TANC2: variants seen among roughly 807,000 people sequenced by gnomAD.
TANC2 encodes the protein tetratricopeptide repeat, ankyrin repeat and coiled-coil containing 2.
Under a neutral mutation model 210.5 loss-of-function variants are expected in TANC2, and 26 were observed. The ratio of observed to expected loss-of-function variants is 0.12; its 90% CI spans 0.09 to 0.17. TANC2 has a LOEUF of 0.17. Among genes scored for constraint, TANC2 ranks in the 10% least tolerant of loss-of-function variants. The pLI, the probability that TANC2 is intolerant of heterozygous loss-of-function variation, is 1.00. For synonymous variants in TANC2, 931 were observed against 967.1 expected, an observed-to-expected ratio of 0.96 and a Z score of 0.69; for missense variants, 2,129 against 2,608.9, an observed-to-expected ratio of 0.82 and a Z score of 4.01.
intron 1 of TANC2, among the ~76,000 whole-genome samples, chr17:62,971,126 G>A (rs117153279): frequency 0.02 from 3,068 of 152,080 alleles, 42 homozygotes; most frequent in South Asian, 0.036. Context: ...TCTTTGAATA[G>A]CGTCTTTTGT....
intron 17 of TANC2, chr17:63,390,403 G>A (rs574034059): frequency 3.9e-5 from 6 of 152,204 alleles, no homozygotes; most frequent in Middle Eastern, 3.1e-3. Flanking sequence ...AGCCTTAGAA[G>A]TTTACTGTAG....
intron 9 of TANC2, among the ~76,000 whole-genome samples, chr17:63,296,446 A>ATATCTGGAT (rs1567891215): frequency 6.6e-6 from 1 of 152,010 alleles, no homozygotes; most frequent in Non-Finnish European, 1.5e-5. Flanking sequence ...AAGGAGGCAG[A>ATATCTGGAT]ATCTGATATC....
At chr17:63,118,776 ATTT>A (rs1162117818) in intron 4 of TANC2, among the ~76,000 whole-genome samples, 2 of 125,686 alleles carry the variant, frequency 1.6e-5, no homozygotes, top group African/African-American at 6.1e-5. Context: ...TATCCAACTA[ATTT>A]TTTTTTTTTT....
chr17:63,241,681 A>G (rs1191537949), intron 8 of TANC2, among the ~76,000 whole-genome samples: 1 of 152,204 alleles, frequency 6.6e-6, no homozygotes, highest in Admixed American at 6.5e-5. Flanking sequence ...GTTGGATTCA[A>G]GTCACCCCTC....
chr17:63,204,693 GC>G (rs1292792921), intron 7 of TANC2, among the ~76,000 whole-genome samples: 1 of 152,068 alleles, frequency 6.6e-6, no homozygotes, highest in African/African-American at 2.4e-5. Context: ...ACTCTAAATA[GC>G]CAAAACAGTC....
rs968307371 is a variant in TANC2 at position 63,195,950 on chromosome 17, A to G, written c.582+1811A>G. On this transcript the variant is annotated intron_variant, in intron 6 of 27. Transcript: ENST00000689528. Reference sequence around the variant, plus strand: ...GGCCTCCTTGTCGTTCGCCAGTCACATCAGCTATATTCATTTTTACTGGAA... The same window carrying G: ...GGCCTCCTTGTCGTTCGCCAGTCACGTCAGCTATATTCATTTTTACTGGAA... 5.3e-5 allele frequency among the ~76,000 whole-genome samples: 8 copies of G among 152,062 alleles called. No individual in the cohort carries two copies. In the East Asian group the frequency reaches 1.2e-3, roughly 22 times the overall value.
intron 12 of TANC2, among the ~76,000 whole-genome samples, chr17:63,343,932 A>G (rs1412426082): frequency 6.6e-6 from 1 of 152,202 alleles, no homozygotes; most frequent in Non-Finnish European, 1.5e-5. Context: ...GTAATTCATC[A>G]TATTAACAAA....
At chr17:63,411,557 C>T in exon 22 of TANC2, 1 of 1,613,858 alleles carries the variant, frequency 6.2e-7, no homozygotes, top group Non-Finnish European at 8.5e-7. Flanking sequence ...CAGCCCTCAG[C>T]TGGGCTTGTT....
At chr17:63,212,974 A>C (rs182312917) in intron 7 of TANC2, among the ~76,000 whole-genome samples, 1 of 152,220 alleles carries the variant, frequency 6.6e-6, no homozygotes, top group Admixed American at 6.5e-5. Flanking sequence ...GCTAACACTT[A>C]TGTTCAAAAT....
At chr17:63,064,445 C>T (rs899537126) in intron 2 of TANC2, among the ~76,000 whole-genome samples, 4 of 152,020 alleles carry the variant, frequency 2.6e-5, no homozygotes, top group South Asian at 2.1e-4. Context: ...GGTGACAGAG[C>T]GAGACCCTAT....
chr17:63,227,865 A>G (rs960531475), intron 7 of TANC2, among the ~76,000 whole-genome samples: 3 of 151,148 alleles, frequency 2.0e-5, no homozygotes, highest in Non-Finnish European at 4.4e-5. Flanking sequence ...TTTATTTTTC[A>G]TTTATTTATT....
chr17:63,350,502 A>G lies in TANC2; in HGVS notation c.1808-748A>G, dbSNP rs557704999. 6.6e-5 allele frequency among the ~76,000 whole-genome samples: 10 copies of G among 152,306 alleles called. 1 individual carries two copies. In the South Asian group the frequency reaches 2.1e-3, roughly 32 times the overall value. ...CAAGCTGCTTCGTCAGCATAGCCCTAAAGTTAAATTGATTTTGTCAATGCC... is the reference window on the plus strand; with the variant it reads ...CAAGCTGCTTCGTCAGCATAGCCCTGAAGTTAAATTGATTTTGTCAATGCC... On this transcript the variant is annotated intron_variant, in intron 12 of 27. Transcript: ENST00000689528.
intron 9 of TANC2, among the ~76,000 whole-genome samples, chr17:63,282,154 G>A (rs544637187): frequency 1.3e-5 from 2 of 151,738 alleles, no homozygotes; most frequent in Non-Finnish European, 2.9e-5. Context: ...ACAAACATTA[G>A]CAATAATGAA....
intron 8 of TANC2, among the ~76,000 whole-genome samples, chr17:63,238,905 A>G (rs528084450): frequency 1.1e-4 from 17 of 152,240 alleles, no homozygotes; most frequent in South Asian, 8.3e-4. Context: ...CTACCTCACT[A>G]TCACGAGAAT....
chr17:63,234,602 A>G (rs73323794), intron 7 of TANC2, among the ~76,000 whole-genome samples: 3,761 of 151,692 alleles, frequency 0.025, 157 homozygotes, highest in African/African-American at 0.085. Flanking sequence ...TATCTCTCCT[A>G]TCATCATGTG....
At chr17:63,411,861 T>C (rs2048713404) in intron 22 of TANC2, 137 bp from the exon 23 acceptor site, 1 of 1,430,654 alleles carries the variant, frequency 7.0e-7, no homozygotes. Context: ...AGGATATAGC[T>C]AAGGCCTGAA....
At chr17:63,362,634 A>G (rs1048268187) in intron 14 of TANC2, among the ~76,000 whole-genome samples, 8 of 152,234 alleles carry the variant, frequency 5.3e-5, no homozygotes, top group Non-Finnish European at 1.2e-4. Flanking sequence ...CTGAGGCAGC[A>G]TGGGGCTGGC....
At chr17:63,044,304 T>C (rs2035297635) in intron 2 of TANC2, among the ~76,000 whole-genome samples, 1 of 152,190 alleles carries the variant, frequency 6.6e-6, no homozygotes, top group Admixed American at 6.5e-5. Flanking sequence ...AGTATAAATG[T>C]ATCCATGAAC....
chr17:63,392,874 G>A lies in TANC2; in HGVS notation c.3052-2869G>A, dbSNP rs189701341. ...AATTCTCTTGTAGGCAAAAAAAAAT[G>A]CATAGAGTTTCTATATATCCTCCAT... On this transcript the variant is annotated intron_variant, in intron 17 of 27. Coordinates refer to ENST00000689528, the Ensembl canonical transcript of TANC2. Among the ~76,000 whole-genome samples the A allele has an allele frequency of 1.2e-3, 179 of 152,134 alleles. 1 individual carries two copies. Among genetic ancestry groups the A allele is most frequent in the African/African-American group, 4.1e-3 (172 of 41,510 alleles).
Sources: gnomAD v4.1 joint callset for allele counts (sites outside exome capture counted in the v4.1 genomes callset) on GRCh38, gnomAD v4.1.1 for gene constraint, MANE v1.5 for transcripts, NCBI Gene and HGNC (gene_info 2026-07-23, HGNC 2026-07-21) for gene names.